SAMD12: variants seen among roughly 807,000 people sequenced by gnomAD.
SAMD12 encodes the protein sterile alpha motif domain containing 12.
SAMD12 carries 9 observed loss-of-function variants against 15.0 expected under a neutral mutation model. The ratio of observed to expected loss-of-function variants is 0.60; its 90% confidence interval spans 0.36 to 1.05. The LOEUF (loss-of-function observed/expected upper bound fraction) is 1.05. SAMD12 is among the 50% of genes least tolerant of loss of function. The pLI is 0.01. For missense variants in SAMD12, 230 were observed against 234.2 expected, an observed-to-expected ratio of 0.98 and a Z score of 0.12; for synonymous variants, 86 against 90.1, an observed-to-expected ratio of 0.96 and a Z score of 0.25.
intron 4 of SAMD12, among the ~76,000 whole-genome samples, chr8:118,212,788 A>G (rs1811865430): frequency 6.6e-6 from 1 of 152,230 alleles, no homozygotes. Flanking sequence ...GATATGCACA[A>G]TCACAGGCCA....
In SAMD12 at chr8:118,294,205, C is replaced by T. The variant is rs538286408; in HGVS notation, c.433+85355G>A. ...TGCAGCACTGGAGAGAAAAGCCCTT[C>T]CTTCCACACTGACAGCCAGGAATGC... On this transcript the variant is annotated intron_variant, in intron 4 of 4. Transcript: ENST00000409003. 3.9e-5 allele frequency among the ~76,000 whole-genome samples: 6 copies of T among 152,270 alleles called. No individual in the cohort carries two copies. In the East Asian group the frequency reaches 1.2e-3, roughly 29 times the overall value.
intron 2 of SAMD12, among the ~76,000 whole-genome samples, chr8:118,543,631 C>CTTTCT (rs1826044882): frequency 1.7e-5 from 2 of 116,634 alleles, no homozygotes; most frequent in African/African-American, 7.3e-5. Flanking sequence ...TTCTTTCTTT[C>CTTTCT]TTTTTTTTTT....
the SAMD12 span, among the ~76,000 whole-genome samples, chr8:118,145,968 T>G: frequency 6.6e-6 from 1 of 151,918 alleles, no homozygotes; most frequent in Non-Finnish European, 1.5e-5. Context: ...TAGCCAGTTC[T>G]TTCTTGAAGG....
At chr8:118,422,489 C>T (rs1000256279) in intron 3 of SAMD12, among the ~76,000 whole-genome samples, 3 of 152,084 alleles carry the variant, frequency 2.0e-5, no homozygotes, top group African/African-American at 4.8e-5. Context: ...CAAAAGTTCA[C>T]GAAGCTAATA....
intron 2 of SAMD12, among the ~76,000 whole-genome samples, chr8:118,520,650 A>C (rs1825363983): frequency 6.6e-6 from 1 of 152,214 alleles, no homozygotes; most frequent in African/African-American, 2.4e-5. Context: ...AGGAAAAGTA[A>C]TCAGAAAATC....
chr8:118,231,903 A>T (rs1314321420), intron 4 of SAMD12, among the ~76,000 whole-genome samples: 1 of 152,142 alleles, frequency 6.6e-6, no homozygotes, highest in Non-Finnish European at 1.5e-5. Context: ...TCTAAAAAAA[A>T]AAAAGCCTTC....
the SAMD12 span, among the ~76,000 whole-genome samples, chr8:118,148,166 G>A: frequency 6.6e-6 from 1 of 151,976 alleles, no homozygotes; most frequent in African/African-American, 2.4e-5. Flanking sequence ...CTGACCTCAA[G>A]TGATCCACTC....
chr8:118,176,679 G>C, the SAMD12 span, among the ~76,000 whole-genome samples: 1 of 152,114 alleles, frequency 6.6e-6, no homozygotes, highest in Non-Finnish European at 1.5e-5. Flanking sequence ...GGTGAGAATT[G>C]AAAAACTACC....
chr8:118,460,842 A>G (rs1473848618), intron 2 of SAMD12, among the ~76,000 whole-genome samples: 1 of 152,158 alleles, frequency 6.6e-6, no homozygotes. Context: ...TGGTGATGCA[A>G]GGATGAAACG....
chr8:118,580,110 G>A (rs1827250694), intron 2 of SAMD12, among the ~76,000 whole-genome samples: 1 of 151,924 alleles, frequency 6.6e-6, no homozygotes, highest in South Asian at 2.1e-4. Context: ...CACTACTTAG[G>A]GTTCTATTTA....
chr8:118,188,944 T>C (rs1043072333), downstream of SAMD12, among the ~76,000 whole-genome samples: 1 of 152,130 alleles, frequency 6.6e-6, no homozygotes, highest in Admixed American at 6.5e-5. Flanking sequence ...AGCCTTTCTA[T>C]TGATAAAATA....
chr8:118,247,111 G>A (rs1586382087), intron 4 of SAMD12, among the ~76,000 whole-genome samples: 1 of 152,104 alleles, frequency 6.6e-6, no homozygotes, highest in African/African-American at 2.4e-5. Flanking sequence ...TTGCAACAAC[G>A]TGGATGGACC....
chr8:118,366,897 AAT>A (rs1205432006), intron 4 of SAMD12, among the ~76,000 whole-genome samples: 1 of 94,656 alleles, frequency 1.1e-5, no homozygotes, highest in Admixed American at 9.7e-5. Context: ...AATAAAATAA[AAT>A]AAAATAAAAT....
At chr8:118,533,143 T>C (rs1226721130) in intron 2 of SAMD12, among the ~76,000 whole-genome samples, 15 of 152,260 alleles carry the variant, frequency 9.9e-5, no homozygotes. Flanking sequence ...GTTGTGTCTT[T>C]GTTCTCGTTG....
chr8:118,443,019 T>A (rs1336855245), intron 2 of SAMD12, among the ~76,000 whole-genome samples: 6 of 152,208 alleles, frequency 3.9e-5, no homozygotes, highest in African/African-American at 1.4e-4. Context: ...GCCCACCATG[T>A]ATGCTTTTGT....
At chr8:118,385,209 G>A (rs1312941591) in intron 3 of SAMD12, among the ~76,000 whole-genome samples, 1 of 152,124 alleles carries the variant, frequency 6.6e-6, no homozygotes, top group Admixed American at 6.6e-5. Context: ...TGGGTGTTTG[G>A]GGATGGGATT....
intron 4 of SAMD12, among the ~76,000 whole-genome samples, chr8:118,372,433 T>G (rs1819152273): frequency 1.3e-5 from 2 of 151,890 alleles, no homozygotes; most frequent in South Asian, 4.1e-4. Flanking sequence ...TTTTTTTTTT[T>G]TTTTTCAGAA....
chr8:118,482,347 C>T (rs1010269142), intron 2 of SAMD12, among the ~76,000 whole-genome samples: 3 of 152,188 alleles, frequency 2.0e-5, no homozygotes, highest in African/African-American at 4.8e-5. Flanking sequence ...TCACTTCATA[C>T]ACTCCAACTT....
rs540012909 is a variant in SAMD12 at position 118,438,321 on chromosome 8, C to T, written c.322+1511G>A. Among the ~76,000 whole-genome samples, 28 of 152,192 alleles carry T rather than the reference C, an allele frequency of 1.8e-4. 1 individual carries two copies. The highest frequency in any genetic ancestry group is 6.5e-4 in the African/African-American group (27 of 41,512). On this transcript the variant is annotated intron_variant, in intron 3 of 3. Coordinates refer to ENST00000314727, the MANE Select transcript of SAMD12 (RefSeq NM_207506.3). ...AACTTGAGCTACAATTGGGTGTTTT[C>T]CCTATATATTTAGACATATCAATGT...
Sources: gnomAD v4.1 joint callset for allele counts (sites outside exome capture counted in the v4.1 genomes callset) on GRCh38, gnomAD v4.1.1 for gene constraint, MANE v1.5 for transcripts, NCBI Gene and HGNC (gene_info 2026-07-23, HGNC 2026-07-21) for gene names.